Variants in ATXN2 observed in about 807,000 individuals in gnomAD.
The protein encoded by ATXN2 is ataxin-2.
In ATXN2, 37 loss-of-function variants were observed where a neutral mutation model predicts 138.6. That is an observed-to-expected ratio of 0.27 (90% CI 0.21 to 0.35). The LOEUF is 0.35. Among genes scored for constraint, ATXN2 ranks in the 10% least tolerant of loss-of-function variants. ATXN2 has a pLI of 1.00. For synonymous variants in ATXN2, 549 were observed against 543.7 expected (o/e 1.01, Z -0.13); for missense variants, 1,216 against 1,480.3 (o/e 0.82, Z 2.93).
intron 21 of ATXN2, among the ~76,000 whole-genome samples, chr12:111,459,740 ATGTT>A (rs1875416467): frequency 9.2e-6 from 1 of 109,014 alleles, no homozygotes; most frequent in Non-Finnish European, 1.9e-5. Flanking sequence ...GCGCCCGGCC[ATGTT>A]TGTTTATTTT....
At chr12:111,524,547 C>T (rs1321288493) in intron 6 of ATXN2, among the ~76,000 whole-genome samples, 1 of 152,166 alleles carries the variant, frequency 6.6e-6, no homozygotes. Flanking sequence ...CCTCCTGCTT[C>T]AGCCTCCCAA....
rs747221382 is a variant in ATXN2, at chr12:111,470,672, C to T, written c.2595G>A (p.Ala865=). The T allele has an allele frequency of 6.3e-5, 101 of 1,613,954 alleles. No homozygotes were observed. The Middle Eastern group carries it at 4.4e-3, about 71-fold the overall frequency. Residue 865 remains alanine (A), a synonymous_variant, in exon 19 of 25, where the codon GCG becomes GCA. Coordinates refer to ENST00000673436, the MANE Select transcript of ATXN2 (RefSeq NM_001372574.1). ...QSAMMHPASA[A]GPPIAATPPA... is the part of the protein sequence containing the mutation. ...GTGGGGTGGCTGCAATCGGTGGGCC[C>T]GCTGCTGACGCTGGGTGCATCATGG...
intron 21 of ATXN2, among the ~76,000 whole-genome samples, chr12:111,459,640 A>G (rs1167372363): frequency 6.6e-6 from 1 of 152,016 alleles, no homozygotes; most frequent in Non-Finnish European, 1.5e-5. Flanking sequence ...GGGTTTCACC[A>G]TGTTGGCCAG....
chr12:111,529,782 G>C (rs969398651), intron 5 of ATXN2, among the ~76,000 whole-genome samples: 1 of 152,150 alleles, frequency 6.6e-6, no homozygotes, highest in Non-Finnish European at 1.5e-5. Flanking sequence ...ACTTGTCTGA[G>C]CATTTTTTAA....
chr12:111,567,676 T>C (rs984484803), intron 1 of ATXN2, among the ~76,000 whole-genome samples: 12 of 151,628 alleles, frequency 7.9e-5, no homozygotes, highest in Admixed American at 3.9e-4. Context: ...TAGCCGGGTA[T>C]GGTGGCGTGC....
chr12:111,584,909 C>T (rs1484154626), intron 1 of ATXN2, among the ~76,000 whole-genome samples: 1 of 152,050 alleles, frequency 6.6e-6, no homozygotes, highest in African/African-American at 2.4e-5. Context: ...GCAGATCGGG[C>T]CATTGCACTC....
At chr12:111,474,860 G>A (rs920374900) in intron 18 of ATXN2, among the ~76,000 whole-genome samples, 1 of 152,058 alleles carries the variant, frequency 6.6e-6, no homozygotes, top group African/African-American at 2.4e-5. Context: ...GAGGCGGGTG[G>A]ATCATTTGAG....
intron 14 of ATXN2, among the ~76,000 whole-genome samples, chr12:111,509,137 T>C (rs952244674): frequency 3.9e-5 from 6 of 152,236 alleles, no homozygotes; most frequent in Non-Finnish European, 7.3e-5. Flanking sequence ...AGAAAGATTT[T>C]GACCACAATA....
At chr12:111,597,782 G>T in intron 1 of ATXN2, 1 of 1,098,474 alleles carries the variant, frequency 9.1e-7, no homozygotes, top group Non-Finnish European at 1.2e-6. Context: ...CACGTCCCCT[G>T]CTGCAATCTC....
In ATXN2 at chr12:111,520,091, A is replaced by C. The variant is rs777021189; in HGVS notation, c.789-15T>G. On this transcript the variant is annotated splice_polypyrimidine_tract_variant and intron_variant, in intron 7 of 24. Coordinates refer to ENST00000673436, the MANE Select transcript of ATXN2 (RefSeq NM_001372574.1). ...CTAAGGGCACTCTGAAACATGAGGA[A>C]AAGAAAAGCAAAATGAGTCCTTTAA... 11 of 1,610,930 alleles carry C rather than the reference A, an allele frequency of 6.8e-6. No individual in the cohort carries two copies. The highest frequency in any genetic ancestry group is 7.6e-6 in the Non-Finnish European group (9 of 1,178,856).
At position 111,453,694 on chromosome 12, in the gene ATXN2, T is replaced by C; in HGVS notation, c.3422A>G (p.Tyr1141Cys). 1.2e-6 allele frequency: 2 copies of C among 1,610,072 alleles called. No homozygotes were observed. Among genetic ancestry groups the C allele is most frequent in the Non-Finnish European group, 1.7e-6 (2 of 1,177,922 alleles). The change falls in exon 24 of 25, where the codon TAT becomes TGT. Residue 1141 changes from tyrosine to cysteine, a missense_variant. Transcript: ENST00000673436. This position sits in a 1 kb window ranked among gnomAD's most constrained non-coding sequence, Gnocchi z 5.4. The stretch of plus-strand genomic sequence containing the variant: ...CGCCTCACCTGAAGGGTGCGTCATA[T>C]AGGGGAAATGCGCTGTTGTCGAGAC... Reference protein sequence around the residue: ...IPVSTTAHFPYMTHPSVQAHH... With the variant: ...IPVSTTAHFPCMTHPSVQAHH...
chr12:111,501,746 C>T (rs986249829), intron 14 of ATXN2, among the ~76,000 whole-genome samples: 1 of 152,160 alleles, frequency 6.6e-6, no homozygotes, highest in Non-Finnish European at 1.5e-5. Flanking sequence ...TAGAGGCGAT[C>T]CACATAACAG....
intron 14 of ATXN2, among the ~76,000 whole-genome samples, chr12:111,507,309 G>A (rs1428256817): frequency 5.9e-4 from 89 of 149,596 alleles, no homozygotes; most frequent in Non-Finnish European, 1.1e-3. Flanking sequence ...GCCTCTGCCC[G>A]GCCGCGACCC....
chr12:111,505,727 T>G (rs1306848223), intron 14 of ATXN2, among the ~76,000 whole-genome samples: 1 of 152,178 alleles, frequency 6.6e-6, no homozygotes, highest in Non-Finnish European at 1.5e-5. Context: ...ACAGAAACCC[T>G]CATACCCTGC....
intron 1 of ATXN2, among the ~76,000 whole-genome samples, chr12:111,560,725 T>A (rs867278779): frequency 6.6e-6 from 1 of 150,952 alleles, no homozygotes; most frequent in African/African-American, 2.4e-5. Context: ...CCAGAGTTAC[T>A]ACATTACTTA....
At chr12:111,562,225 G>A (rs577591202) in intron 1 of ATXN2, among the ~76,000 whole-genome samples, 7 of 152,028 alleles carry the variant, frequency 4.6e-5, no homozygotes, top group Admixed American at 2.0e-4. Flanking sequence ...CTTAAGACCC[G>A]GAGTTCAAGA....
At chr12:111,588,896 G>A (rs1884484913) in intron 1 of ATXN2, among the ~76,000 whole-genome samples, 2 of 146,452 alleles carry the variant, frequency 1.4e-5, no homozygotes, top group Admixed American at 1.4e-4. Context: ...TCGGGAGGCT[G>A]AGGCAGGAGA....
At chr12:111,571,742 G>C (rs1883325938) in intron 1 of ATXN2, among the ~76,000 whole-genome samples, 1 of 152,160 alleles carries the variant, frequency 6.6e-6, no homozygotes, top group Non-Finnish European at 1.5e-5. Context: ...TTTAGGTCAG[G>C]CACGGTGGCT....
At chr12:111,454,706 C>A in intron 23 of ATXN2, 1 of 295,732 alleles carries the variant, frequency 3.4e-6, no homozygotes, top group East Asian at 7.5e-5. Flanking sequence ...GATGAAATGC[C>A]GTTTTTACTC....
Sources: gnomAD v4.1 joint callset for allele counts (sites outside exome capture counted in the v4.1 genomes callset) on GRCh38, gnomAD v4.1.1 for gene constraint, Gnocchi (gnomAD v3.1) non-coding constraint, MANE v1.5 for transcripts, NCBI Gene and HGNC (gene_info 2026-07-23, HGNC 2026-07-21) for gene names.